Variants in ZCCHC7 observed in about 807,000 individuals in gnomAD.
ZCCHC7 encodes zinc finger CCHC-type containing 7.
Under a neutral mutation model 52.0 loss-of-function variants are expected in ZCCHC7, and 35 were observed. The ratio of observed to expected loss-of-function variants is 0.67; its 90% CI spans 0.51 to 0.89. The LOEUF is 0.89. ZCCHC7 is among the 40% of genes least tolerant of loss of function. The pLI is 0.00. For synonymous variants in ZCCHC7, 217 were observed against 221.5 expected, an observed-to-expected ratio of 0.98 and a Z score of 0.18; for missense variants, 574 against 649.1, an observed-to-expected ratio of 0.88 and a Z score of 1.26.
chr9:37,263,390 C>G (rs1826955376), intron 2 of ZCCHC7, among the ~76,000 whole-genome samples: 1 of 151,786 alleles, frequency 6.6e-6, no homozygotes, highest in East Asian at 1.9e-4. Flanking sequence ...AAAAAAAAAC[C>G]TGTGGTTTTT....
intron 2 of ZCCHC7, among the ~76,000 whole-genome samples, chr9:37,194,168 T>C (rs139541553): frequency 2.2e-3 from 338 of 152,330 alleles, no homozygotes; most frequent in African/African-American, 7.6e-3. Flanking sequence ...CTTGCTATGC[T>C]AGGATAGTGG....
In ZCCHC7 at chr9:37,357,117, C is replaced by T. The variant is rs757650661; in HGVS notation, c.1481C>T (p.Pro494Leu). ...GSFKTQKPSKPFHRSSHYHTS... is the reference protein window; with the variant it reads ...GSFKTQKPSKLFHRSSHYHTS... ...TTTAAAACCCAGAAGCCTTCTAAGC[C>T]CTTTCACCGTTCATCACATTACCAC... The change falls in exon 9 of 9, where the codon CCC (proline) becomes CTC (leucine). Residue 494 changes from proline (P) to leucine (L), a missense_variant. Physicochemically the swap from Pro to Leu is moderately conservative, Grantham distance 98. Coordinates refer to ENST00000336755, the MANE Select transcript of ZCCHC7 (RefSeq NM_032226.3). The T allele has an allele frequency of 6.6e-5, 106 of 1,613,478 alleles. No individual in the cohort carries two copies. Among genetic ancestry groups the T allele is most frequent in the Non-Finnish European group, 8.6e-5 (102 of 1,179,952 alleles).
chr9:37,240,747 T>C (rs1825838989), intron 2 of ZCCHC7, among the ~76,000 whole-genome samples: 1 of 151,904 alleles, frequency 6.6e-6, no homozygotes, highest in South Asian at 2.1e-4. Context: ...TGGCATACTT[T>C]ACGTCATTTC....
At chr9:37,147,602 T>TTTAA (rs1843491405) in intron 2 of ZCCHC7, among the ~76,000 whole-genome samples, 1 of 151,944 alleles carries the variant, frequency 6.6e-6, no homozygotes, top group Admixed American at 6.6e-5. Flanking sequence ...TATTCAGAGC[T>TTTAA]TTAACATTTT....
At chr9:37,303,522 T>C (rs2133702186) in intron 3 of ZCCHC7, among the ~76,000 whole-genome samples, 1 of 151,220 alleles carries the variant, frequency 6.6e-6, no homozygotes, top group East Asian at 1.9e-4. Context: ...CCCTGCTCGA[T>C]CTGAAACATA....
intron 5 of ZCCHC7, chr9:37,326,775 G>A (rs577058111): frequency 1.3e-5 from 2 of 152,086 alleles, no homozygotes; most frequent in East Asian, 3.9e-4. Context: ...CAAGTAAAGA[G>A]TTGTTTCAAA....
chr9:37,190,576 G>T (rs1283815295), intron 2 of ZCCHC7, among the ~76,000 whole-genome samples: 2 of 152,200 alleles, frequency 1.3e-5, no homozygotes, highest in African/African-American at 4.8e-5. Flanking sequence ...GAAAAGACAA[G>T]GTAGTGTGTG....
At chr9:37,338,401 C>A (rs1830778431) in intron 6 of ZCCHC7, among the ~76,000 whole-genome samples, 1 of 152,084 alleles carries the variant, frequency 6.6e-6, no homozygotes, top group Non-Finnish European at 1.5e-5. Context: ...GAAAAAGATA[C>A]AATGATGTAA....
At chr9:37,235,934 T>A (rs1424106667) in intron 2 of ZCCHC7, among the ~76,000 whole-genome samples, 1 of 152,092 alleles carries the variant, frequency 6.6e-6, no homozygotes, top group Non-Finnish European at 1.5e-5. Context: ...TGTATCTATA[T>A]CACATTTTCT....
At chr9:37,250,884 T>C (rs1463599689) in intron 2 of ZCCHC7, among the ~76,000 whole-genome samples, 2 of 152,166 alleles carry the variant, frequency 1.3e-5, no homozygotes, top group East Asian at 3.8e-4. Context: ...TTATTAAAGG[T>C]GGTAATTTTG....
At chr9:37,244,074 C>T (rs1006380409) in intron 2 of ZCCHC7, among the ~76,000 whole-genome samples, 1 of 151,488 alleles carries the variant, frequency 6.6e-6, no homozygotes, top group Non-Finnish European at 1.5e-5. Context: ...TTTATTGTCT[C>T]CTAGTGGTCC....
At chr9:37,321,252 T>C (rs533323299) in intron 5 of ZCCHC7, among the ~76,000 whole-genome samples, 1 of 152,098 alleles carries the variant, frequency 6.6e-6, no homozygotes, top group East Asian at 1.9e-4. Flanking sequence ...CCTCCCAAAG[T>C]GCTGGGATTA....
At chr9:37,207,693 A>G (rs1478575743) in intron 2 of ZCCHC7, among the ~76,000 whole-genome samples, 1 of 151,958 alleles carries the variant, frequency 6.6e-6, no homozygotes, top group Non-Finnish European at 1.5e-5. Context: ...TTACTGATCT[A>G]TGTTCATGCC....
At chr9:37,178,688 C>T (rs1029037922) in intron 2 of ZCCHC7, among the ~76,000 whole-genome samples, 2 of 152,018 alleles carry the variant, frequency 1.3e-5, no homozygotes, top group Admixed American at 6.5e-5. Flanking sequence ...TTGTAGCAGA[C>T]GTATTTTGAG....
intron 2 of ZCCHC7, chr9:37,205,135 T>A (rs1823834793): frequency 3.8e-6 from 1 of 266,452 alleles, no homozygotes; most frequent in South Asian, 4.6e-5. Context: ...ACCTGCACAG[T>A]ATGCAGGTTA....
intron 2 of ZCCHC7, among the ~76,000 whole-genome samples, chr9:37,162,560 A>G (rs189357659): frequency 1.3e-5 from 2 of 152,346 alleles, no homozygotes; most frequent in African/African-American, 4.8e-5. Flanking sequence ...ATAAAGTAGC[A>G]AGTATCAATA....
At chr9:37,199,889 A>G (rs1823537105) in intron 2 of ZCCHC7, among the ~76,000 whole-genome samples, 2 of 150,960 alleles carry the variant, frequency 1.3e-5, no homozygotes, top group Admixed American at 6.6e-5. Context: ...TATTTTTAGT[A>G]GAGACGGGGT....
At chr9:37,241,134 T>C (rs1037852013) in intron 2 of ZCCHC7, among the ~76,000 whole-genome samples, 2 of 151,808 alleles carry the variant, frequency 1.3e-5, no homozygotes, top group East Asian at 1.9e-4. Context: ...GATATTTTTC[T>C]TGTTTTTTAT....
At chr9:37,153,468 G>C (rs920410080) in intron 2 of ZCCHC7, among the ~76,000 whole-genome samples, 30 of 152,054 alleles carry the variant, frequency 2.0e-4, no homozygotes, top group African/African-American at 6.8e-4. Flanking sequence ...ACCACACCCT[G>C]CCTGTTGTTA....
Sources: gnomAD v4.1 joint callset for allele counts (sites outside exome capture counted in the v4.1 genomes callset) on GRCh38, gnomAD v4.1.1 for gene constraint, MANE v1.5 for transcripts, NCBI Gene and HGNC (gene_info 2026-07-23, HGNC 2026-07-21) for gene names.